The following ZBTB7C variants were observed in gnomAD, a reference collection of about 807,000 sequenced individuals.
ZBTB7C encodes zinc finger and BTB domain containing 7C, also known as zinc finger and BTB domain-containing protein 7C.
In ZBTB7C, 8 loss-of-function variants were observed where a neutral mutation model predicts 25.7. The observed-to-expected ratio is 0.31, with a 90% CI of 0.18 to 0.56. The LOEUF (loss-of-function observed/expected upper bound fraction) is 0.56. Among genes scored for constraint, ZBTB7C ranks in the 20% least tolerant of loss-of-function variants. The probability of loss-of-function intolerance (pLI) is 0.91; values close to 1 mark genes in which losing one functional copy is unlikely to be tolerated. For synonymous variants in ZBTB7C, 394 were observed against 369.0 expected (o/e 1.07, Z -0.78); for missense variants, 824 against 855.2 (o/e 0.96, Z 0.46).
Position 48,040,713 on chromosome 18 carries a change from T to G in ZBTB7C, c.395A>C (p.Asp132Ala). The G allele has an allele frequency of 6.2e-7, 1 of 1,608,488 alleles. No individual in the cohort carries two copies. Among genetic ancestry groups the G allele is most frequent in the East Asian group, 2.2e-5 (1 of 44,744 alleles). Residue 132 changes from aspartate (D) to alanine (A), a missense_variant, in exon 4 of 5, where the codon GAC becomes GCC. Asp to Ala is a moderately radical substitution (Grantham distance 126). Around this residue, in one of 4 missense-constraint regions of ZBTB7C, gnomAD observed 316 missense variants for 299.2 expected, o/e 1.06. Coordinates refer to ENST00000590800, the MANE Select transcript of ZBTB7C (RefSeq NM_001318841.2). ...VCLEIMEPGG[D>A]GGEEDDKEDD... is the part of the protein sequence containing the mutation. ...CTCCTTGTCATCCTCCTCCCCCCCG[T>G]CCCCCCCAGGCTCCATGATCTCCAG...
intron 1 of ZBTB7C, among the ~76,000 whole-genome samples, chr18:48,367,856 T>C (rs773853440): frequency 3.3e-5 from 5 of 151,716 alleles, no homozygotes; most frequent in Non-Finnish European, 7.4e-5. Flanking sequence ...GGAGTTGTAA[T>C]GAGGCACTCC....
At chr18:48,068,910 C>T (rs1016374588) in intron 3 of ZBTB7C, among the ~76,000 whole-genome samples, 2 of 152,122 alleles carry the variant, frequency 1.3e-5, no homozygotes, top group Non-Finnish European at 2.9e-5. Context: ...AGGAGGGGGC[C>T]GAGGACATCG....
At chr18:48,116,746 C>T (rs1391396391) in intron 3 of ZBTB7C, among the ~76,000 whole-genome samples, 1 of 152,106 alleles carries the variant, frequency 6.6e-6, no homozygotes, top group Non-Finnish European at 1.5e-5. Flanking sequence ...CTGTTGAAAT[C>T]CTCCAAGGCC....
intron 2 of ZBTB7C, among the ~76,000 whole-genome samples, chr18:48,290,681 C>G (rs952203952): frequency 6.6e-6 from 1 of 152,184 alleles, no homozygotes; most frequent in Non-Finnish European, 1.5e-5. Flanking sequence ...AGGCGCCCGT[C>G]CCCTGGGCCT....
At chr18:48,387,517 T>C (rs978216294) in intron 1 of ZBTB7C, among the ~76,000 whole-genome samples, 3 of 152,220 alleles carry the variant, frequency 2.0e-5, no homozygotes, top group Non-Finnish European at 2.9e-5. Context: ...GCTAGCTGCC[T>C]CCTACCATGA....
intron 2 of ZBTB7C, among the ~76,000 whole-genome samples, chr18:48,213,252 G>T (rs983541999): frequency 3.3e-5 from 5 of 152,174 alleles, no homozygotes; most frequent in African/African-American, 1.2e-4. Flanking sequence ...CAATGACCAG[G>T]GTTTTGTTTT....
intron 3 of ZBTB7C, among the ~76,000 whole-genome samples, chr18:48,184,619 A>G (rs773964435): frequency 6.6e-6 from 1 of 152,074 alleles, no homozygotes; most frequent in Non-Finnish European, 1.5e-5. Context: ...ATTAATCATC[A>G]TTAAATAAAT....
chr18:48,347,389 G>C (rs1024109572), intron 1 of ZBTB7C, among the ~76,000 whole-genome samples: 1 of 152,166 alleles, frequency 6.6e-6, no homozygotes, highest in Non-Finnish European at 1.5e-5. Context: ...TCCCATAAAA[G>C]ATACCATAAT....
At chr18:48,037,799 G>A (rs1001153836) in intron 4 of ZBTB7C, among the ~76,000 whole-genome samples, 3 of 152,230 alleles carry the variant, frequency 2.0e-5, no homozygotes, top group African/African-American at 4.8e-5. Flanking sequence ...CAGAGCCTGC[G>A]TTGGCAGGAG....
chr18:48,228,252 C>T (rs2043155592), intron 2 of ZBTB7C, among the ~76,000 whole-genome samples: 1 of 152,214 alleles, frequency 6.6e-6, no homozygotes, highest in Non-Finnish European at 1.5e-5. Flanking sequence ...TCACATTTCA[C>T]CTGTGCGGGC....
In ZBTB7C at chr18:48,038,504, A is replaced by T. The variant is rs2036071546; in HGVS notation, c.1208+1396T>A. Reference sequence around the variant, plus strand: ...TCTCTGGCAACTTCCAGTAGTTTCCAAGCAACCCAGAAGAACAGGTCTCAT... The same window carrying T: ...TCTCTGGCAACTTCCAGTAGTTTCCTAGCAACCCAGAAGAACAGGTCTCAT... On this transcript the variant is annotated intron_variant, in intron 4 of 4. Transcript: ENST00000590800. 1.3e-5 allele frequency among the ~76,000 whole-genome samples: 2 copies of T among 151,682 alleles called. 1 individual carries two copies. The highest frequency in any genetic ancestry group is 4.2e-4 in the South Asian group (2 of 4,800).
At chr18:48,033,048 C>G (rs536556817) in intron 4 of ZBTB7C, among the ~76,000 whole-genome samples, 52 of 152,292 alleles carry the variant, frequency 3.4e-4, no homozygotes, top group African/African-American at 1.2e-3. Flanking sequence ...CTGGGAGTCC[C>G]TGTTGTAGCT....
chr18:48,273,429 A>G (rs1349490929), intron 2 of ZBTB7C, among the ~76,000 whole-genome samples: 1 of 152,134 alleles, frequency 6.6e-6, no homozygotes, highest in African/African-American at 2.4e-5. Context: ...AAAACTTGGC[A>G]TTATAAATCA....
chr18:48,268,041 C>T (rs2044363916), intron 2 of ZBTB7C, among the ~76,000 whole-genome samples: 1 of 152,208 alleles, frequency 6.6e-6, no homozygotes, highest in Non-Finnish European at 1.5e-5. Flanking sequence ...CATAGGCCAA[C>T]ATTCAAGATA....
At chr18:48,193,669 C>T (rs2042251931) in intron 2 of ZBTB7C, among the ~76,000 whole-genome samples, 1 of 152,200 alleles carries the variant, frequency 6.6e-6, no homozygotes, top group Non-Finnish European at 1.5e-5. Flanking sequence ...GCTTTGCTCC[C>T]CTCCCCAGCA....
intron 1 of ZBTB7C, among the ~76,000 whole-genome samples, chr18:48,342,758 C>A (rs895003993): frequency 1.3e-5 from 2 of 152,052 alleles, no homozygotes; most frequent in African/African-American, 4.8e-5. Flanking sequence ...AATTAAGGAG[C>A]CACTGGAGAC....
intron 3 of ZBTB7C, among the ~76,000 whole-genome samples, chr18:48,169,259 C>T (rs11663752): frequency 0.034 from 5,143 of 152,302 alleles, 98 homozygotes; most frequent in Non-Finnish European, 0.038. Flanking sequence ...CAGTACTCCT[C>T]ACCTCCCAGT....
intron 3 of ZBTB7C, among the ~76,000 whole-genome samples, chr18:48,164,784 C>T (rs1328458905): frequency 6.6e-6 from 1 of 152,112 alleles, no homozygotes; most frequent in Non-Finnish European, 1.5e-5. Flanking sequence ...TTGGAAGGAG[C>T]TCCAGACATT....
In ZBTB7C at chr18:48,194,702, G is replaced by A. The variant is rs748066646; in HGVS notation, c.-78-8707C>T. The stretch of plus-strand genomic sequence containing the variant: ...TGAGTTACCAGGTCTGGCTGGAGCA[G>A]ATGACATATGCAGAGAGGATCAGGA... On this transcript the variant is annotated intron_variant, in intron 2 of 4. Transcript: ENST00000590800. 1.3e-4 allele frequency among the ~76,000 whole-genome samples: 20 copies of A among 152,156 alleles called. 1 individual carries two copies. The highest frequency in any genetic ancestry group is 2.2e-4 in the Non-Finnish European group (15 of 68,028).
Sources: gnomAD v4.1 joint callset for allele counts (sites outside exome capture counted in the v4.1 genomes callset) on GRCh38, gnomAD v4.1.1 for gene constraint, gnomAD v4.1.1 regional missense constraint, MANE v1.5 for transcripts, NCBI Gene and HGNC (gene_info 2026-07-23, HGNC 2026-07-21) for gene names.